Variants in ADCK1 observed in about 807,000 individuals in gnomAD.
ADCK1 encodes aarF domain-containing protein kinase 1.
In ADCK1, 41 loss-of-function variants were observed where a neutral mutation model predicts 52.3. The observed-to-expected ratio is 0.78, with a 90% CI of 0.61 to 1.02. The LOEUF is 1.02. ADCK1 is among the 50% of genes least tolerant of loss of function. The probability of loss-of-function intolerance (pLI) is 0.00; values close to 1 mark genes in which losing one functional copy is unlikely to be tolerated. For synonymous variants in ADCK1, 250 were observed against 274.6 expected (o/e 0.91, Z 0.89); for missense variants, 658 against 679.5 (o/e 0.97, Z 0.35).
At chr14:77,851,198 A>G (rs1350646768) in intron 3 of ADCK1, among the ~76,000 whole-genome samples, 1 of 151,112 alleles carries the variant, frequency 6.6e-6, no homozygotes, top group Non-Finnish European at 1.5e-5. Context: ...GCTCACTACA[A>G]CTTCTGCCTC....
chr14:77,838,422 G>T (rs1370727490), intron 3 of ADCK1, among the ~76,000 whole-genome samples: 1 of 152,090 alleles, frequency 6.6e-6, no homozygotes, highest in African/African-American at 2.4e-5. Flanking sequence ...TTGAGACAGG[G>T]TGTCACTCTT....
chr14:77,907,984 G>A (rs6574411), intron 7 of ADCK1, 65 bp downstream of exon 7: 166,718 of 1,385,716 alleles, frequency 0.12, 10,422 homozygotes, highest in East Asian at 0.21. Flanking sequence ...TGCCCAGGAA[G>A]TGCCTGTGTG....
At chr14:77,930,691 T>C (rs1421683634) in intron 9 of ADCK1, among the ~76,000 whole-genome samples, 1 of 152,166 alleles carries the variant, frequency 6.6e-6, no homozygotes, top group South Asian at 2.1e-4. Flanking sequence ...AATACACCGA[T>C]AGGGTTGTTG....
chr14:77,895,522 C>A (rs2083390047), intron 5 of ADCK1, among the ~76,000 whole-genome samples: 1 of 152,172 alleles, frequency 6.6e-6, no homozygotes, highest in Admixed American at 6.5e-5. Context: ...GGAGAAGATG[C>A]ATTTTGGGAG....
intron 1 of ADCK1, among the ~76,000 whole-genome samples, chr14:77,803,138 A>G (rs895261450): frequency 1.3e-5 from 2 of 152,068 alleles, no homozygotes; most frequent in African/African-American, 2.4e-5. Flanking sequence ...CATATCAGGG[A>G]CCAGGTTCTT....
intron 1 of ADCK1, among the ~76,000 whole-genome samples, chr14:77,801,631 C>CA (rs1432594018): frequency 6.6e-6 from 1 of 152,036 alleles, no homozygotes; most frequent in East Asian, 1.9e-4. Flanking sequence ...TCTTGTCAGA[C>CA]AAAGGACCTG....
chr14:77,849,200 G>A (rs1326575591), intron 3 of ADCK1, among the ~76,000 whole-genome samples: 2 of 152,168 alleles, frequency 1.3e-5, no homozygotes, highest in East Asian at 1.9e-4. Context: ...TCTGGCTCCT[G>A]AGTAACTGGG....
chr14:77,923,438 GGC>G lies in ADCK1; in HGVS notation c.859-1018_859-1017del, dbSNP rs1257568682. 6.6e-6 allele frequency: 1 copy of G among 152,300 alleles called. No homozygotes were observed. Among genetic ancestry groups the G allele is most frequent in the Admixed American group, 6.5e-5 (1 of 15,288 alleles). 9.4% of individuals were successfully genotyped at this position (152,300 alleles called of 1,614,324 possible). On this transcript the variant is annotated intron_variant, in intron 7 of 10. Transcript: ENST00000238561. This position sits in a 1 kb window ranked among gnomAD's most constrained non-coding sequence, Gnocchi z 4.3. ...TGAGATGAGACCAGGCAGGAGGCAG[GGC>G]CTGGTCAGGTAGGACTTTGTAGGCT...
intron 7 of ADCK1, 165 bp downstream of exon 7, chr14:77,908,084 C>A: frequency 1.7e-6 from 1 of 595,176 alleles, no homozygotes; most frequent in East Asian, 3.0e-5. Context: ...AAGATTCTTT[C>A]AGGTCATTTA....
chr14:77,870,829 C>G (rs558944550), intron 4 of ADCK1, among the ~76,000 whole-genome samples: 1 of 152,200 alleles, frequency 6.6e-6, no homozygotes. Context: ...GACTGGAACT[C>G]GTGGCCTTCC....
rs1275554993 is a variant in ADCK1 at position 77,934,185 on chromosome 14, G to A, written c.*794G>A. 3 of 152,062 alleles carry A rather than the reference G, an allele frequency of 2.0e-5. No homozygotes were observed. Among genetic ancestry groups the A allele is most frequent in the African/African-American group, 7.2e-5 (3 of 41,470 alleles). 9.4% of individuals were successfully genotyped at this position (152,062 alleles called of 1,614,324 possible). ...TTAGGTCAGAGTGGACCTGAATCGA[G>A]TATTGGTGTGATCTTCTGCTTGGCT... On this transcript the variant is annotated 3_prime_UTR_variant, in exon 11 of 11. Coordinates refer to ENST00000238561, the MANE Select transcript of ADCK1 (RefSeq NM_020421.4).
intron 3 of ADCK1, among the ~76,000 whole-genome samples, chr14:77,849,077 C>G (rs2082230460): frequency 6.6e-6 from 1 of 152,144 alleles, no homozygotes; most frequent in African/African-American, 2.4e-5. Flanking sequence ...ATCTGCCCGC[C>G]TCGGCCTCCC....
chr14:77,907,998 A>G (rs1011489502), intron 7 of ADCK1, 79 bp downstream of exon 7: 17 of 1,186,876 alleles, frequency 1.4e-5, no homozygotes, highest in Non-Finnish European at 9.9e-6. Context: ...CTGTGTGTCC[A>G]GGTGAGGCCT....
intron 5 of ADCK1, among the ~76,000 whole-genome samples, chr14:77,890,022 A>G (rs759345575): frequency 5.9e-5 from 9 of 152,184 alleles, no homozygotes; most frequent in Non-Finnish European, 8.8e-5. Context: ...TTGGAGGAAA[A>G]CCAGGATTGA....
intron 1 of ADCK1, among the ~76,000 whole-genome samples, chr14:77,810,615 A>G (rs113707507): frequency 0.16 from 24,471 of 148,470 alleles, 2,246 homozygotes; most frequent in African/African-American, 0.24. Flanking sequence ...ACTGCAAGCT[A>G]TGCCTCCCGG....
At chr14:77,820,768 TA>T (rs1338339619) in intron 2 of ADCK1, among the ~76,000 whole-genome samples, 3 of 151,826 alleles carry the variant, frequency 2.0e-5, no homozygotes. Flanking sequence ...TTATTATTAT[TA>T]TTTTTTTGAG....
chr14:77,903,469 A>ACTG (rs1308062407), intron 6 of ADCK1, among the ~76,000 whole-genome samples: 1 of 152,258 alleles, frequency 6.6e-6, no homozygotes, highest in African/African-American at 2.4e-5. Flanking sequence ...TCAGACAAGC[A>ACTG]CTGAATGCAA....
At chr14:77,818,195 G>C (rs546006217) in intron 1 of ADCK1, among the ~76,000 whole-genome samples, 2 of 152,168 alleles carry the variant, frequency 1.3e-5, no homozygotes, top group Non-Finnish European at 2.9e-5. Flanking sequence ...GTGCATTGTG[G>C]TATCATGATA....
intron 1 of ADCK1, among the ~76,000 whole-genome samples, chr14:77,805,019 C>A (rs2081189860): frequency 6.6e-6 from 1 of 151,756 alleles, no homozygotes; most frequent in African/African-American, 2.4e-5. Context: ...CCAGCCTGAC[C>A]AACATGGAGA....
Sources: gnomAD v4.1 joint callset for allele counts (sites outside exome capture counted in the v4.1 genomes callset) on GRCh38, gnomAD v4.1.1 for gene constraint, Gnocchi (gnomAD v3.1) non-coding constraint, MANE v1.5 for transcripts, NCBI Gene and HGNC (gene_info 2026-07-23, HGNC 2026-07-21) for gene names.